Variants in ANO4 observed in about 807,000 individuals in gnomAD.
The protein encoded by ANO4 is anoctamin 4.
In ANO4, 69 loss-of-function variants were observed where a neutral mutation model predicts 141.9. The observed-to-expected ratio is 0.49, with a 90% CI of 0.40 to 0.59. The LOEUF is 0.59. Ranked by LOEUF, ANO4 falls within the 20% of genes least tolerant of loss-of-function variation. The probability of loss-of-function intolerance (pLI) is 0.00; values close to 1 mark genes in which losing one functional copy is unlikely to be tolerated. For synonymous variants in ANO4, 350 were observed against 394.3 expected, an observed-to-expected ratio of 0.89 and a Z score of 1.33; for missense variants, 894 against 1,162.2, an observed-to-expected ratio of 0.77 and a Z score of 3.36.
Position 100,826,210 on chromosome 12 carries a change from A to G in ANO4, c.-141+31183A>G, listed in dbSNP as rs895208595. Among the ~76,000 whole-genome samples the G allele has an allele frequency of 7.9e-5, 12 of 152,190 alleles. No homozygotes were observed. In the East Asian group the frequency reaches 2.3e-3, roughly 30 times the overall value. On this transcript the variant is annotated intron_variant, in intron 1 of 27. Transcript: ENST00000392977. ...AAAAATTGAAATATGAAAAATTATG[A>G]AAGACGGAAACATTCAGAAAGCAGA...
chr12:100,879,525 G>A (rs922161035), intron 1 of ANO4, among the ~76,000 whole-genome samples: 2 of 152,102 alleles, frequency 1.3e-5, no homozygotes, highest in Admixed American at 6.6e-5. Context: ...CTAGCCCAGT[G>A]CATTGTAAAT....
intron 5 of ANO4, among the ~76,000 whole-genome samples, chr12:100,943,013 T>C (rs1004692443): frequency 6.6e-6 from 1 of 152,146 alleles, no homozygotes; most frequent in African/African-American, 2.4e-5. Flanking sequence ...AAGATTCCAG[T>C]TTTAAGAGAC....
At chr12:100,803,122 A>T (rs1514785) in intron 1 of ANO4, among the ~76,000 whole-genome samples, 16,393 of 152,160 alleles carry the variant, frequency 0.11, 1,205 homozygotes, top group East Asian at 0.35. Context: ...AATTTAGAGG[A>T]ACATGGGATG....
rs200287876 is a variant in ANO4, at chr12:100,731,337, T to TC, written c.23-2436dup. ...ATGTATTTATTGTAATATTTTAAAA[T>TC]CACTTATACCCTATGTTAATTTTTT... On this transcript the variant is annotated intron_variant, in intron 1 of 29. Coordinates refer to the ANO4 transcript ENST00000644049. Among the ~76,000 whole-genome samples the TC allele has an allele frequency of 6.8e-4, 104 of 152,312 alleles. 1 individual carries two copies. In the East Asian group the frequency reaches 0.018, roughly 27 times the overall value.
chr12:101,090,613 C>T (rs772971048), intron 17 of ANO4, among the ~76,000 whole-genome samples: 4 of 151,764 alleles, frequency 2.6e-5, no homozygotes, highest in East Asian at 1.9e-4. Flanking sequence ...GTGGGTGAGG[C>T]GGGAGGGATA....
intron 14 of ANO4, among the ~76,000 whole-genome samples, chr12:101,061,169 G>A (rs188647581): frequency 2.2e-4 from 33 of 152,224 alleles, no homozygotes; most frequent in African/African-American, 5.8e-4. Flanking sequence ...GAAATTCAGC[G>A]TTGAAAATTC....
intron 14 of ANO4, among the ~76,000 whole-genome samples, chr12:101,074,903 G>A (rs185949304): frequency 6.6e-6 from 1 of 152,064 alleles, no homozygotes; most frequent in Admixed American, 6.6e-5. Context: ...CTCTCTGCGT[G>A]CCAGTTGCTG....
At chr12:101,070,452 G>A (rs1290825358) in intron 14 of ANO4, among the ~76,000 whole-genome samples, 3 of 152,104 alleles carry the variant, frequency 2.0e-5, no homozygotes, top group Admixed American at 2.0e-4. Flanking sequence ...TAGGAAAGCT[G>A]GATATCCATA....
intron 15 of ANO4, among the ~76,000 whole-genome samples, chr12:101,080,917 A>G (rs2049246500): frequency 8.8e-6 from 1 of 113,322 alleles, no homozygotes; most frequent in Non-Finnish European, 1.9e-5. Context: ...ACATATACAT[A>G]TATATAAATA....
intron 1 of ANO4, among the ~76,000 whole-genome samples, chr12:100,800,567 T>C (rs548427580): frequency 4.7e-4 from 71 of 152,384 alleles, no homozygotes; most frequent in South Asian, 1.2e-3. Flanking sequence ...TTCGAAGATA[T>C]TATTTTTAGC....
chr12:101,008,026 A>G (rs2045941790), intron 8 of ANO4, among the ~76,000 whole-genome samples: 1 of 152,246 alleles, frequency 6.6e-6, no homozygotes, highest in Admixed American at 6.5e-5. Flanking sequence ...AGTCTAATCT[A>G]GTGCATAAAA....
At chr12:100,846,355 TAAC>T (rs1287863558) in intron 1 of ANO4, among the ~76,000 whole-genome samples, 1 of 152,206 alleles carries the variant, frequency 6.6e-6, no homozygotes, top group African/African-American at 2.4e-5. Flanking sequence ...TTATAAGAAA[TAAC>T]AGAAAGAACT....
chr12:101,050,230 T>C (rs1175493588), intron 14 of ANO4, among the ~76,000 whole-genome samples: 1 of 152,152 alleles, frequency 6.6e-6, no homozygotes, highest in Non-Finnish European at 1.5e-5. Context: ...AGCCAAGTCA[T>C]GTTACTAGTG....
chr12:100,936,894 A>G (rs1371314940), intron 3 of ANO4, among the ~76,000 whole-genome samples: 2 of 152,190 alleles, frequency 1.3e-5, no homozygotes, highest in Non-Finnish European at 1.5e-5. Context: ...CAGTGAGGAA[A>G]CAGAAGCACA....
chr12:100,744,182 T>C (rs936491086), intron 3 of ANO4, among the ~76,000 whole-genome samples: 1 of 152,238 alleles, frequency 6.6e-6, no homozygotes, highest in East Asian at 1.9e-4. Flanking sequence ...TCAAAACTTA[T>C]ATATCCCGAA....
intron 9 of ANO4, among the ~76,000 whole-genome samples, chr12:101,028,119 A>G (rs758000379): frequency 6.6e-6 from 1 of 152,142 alleles, no homozygotes; most frequent in Non-Finnish European, 1.5e-5. Context: ...AACAAACAGA[A>G]AGCAACAACA....
At chr12:100,761,971 G>A (rs1221242480) in intron 3 of ANO4, among the ~76,000 whole-genome samples, 1 of 152,090 alleles carries the variant, frequency 6.6e-6, no homozygotes, top group African/African-American at 2.4e-5. Context: ...AGTGGAAGAA[G>A]CTATGACCTC....
chr12:101,014,460 A>G (rs1439701310), intron 8 of ANO4, among the ~76,000 whole-genome samples: 3 of 152,170 alleles, frequency 2.0e-5, no homozygotes, highest in African/African-American at 7.2e-5. Context: ...TGGTCTGCCC[A>G]TTACTTCATG....
intron 8 of ANO4, among the ~76,000 whole-genome samples, chr12:101,004,609 A>G (rs1231976988): frequency 6.6e-6 from 1 of 152,168 alleles, no homozygotes; most frequent in Non-Finnish European, 1.5e-5. Context: ...CTGGCATTGT[A>G]TTATAGAAAA....
Sources: allele counts gnomAD v4.1 joint callset (sites outside exome capture counted in the v4.1 genomes callset), GRCh38; gene constraint gnomAD v4.1.1; transcripts MANE v1.5; gene names NCBI Gene and HGNC (gene_info 2026-07-23, HGNC 2026-07-21).